Variants in REPS2 observed in about 807,000 individuals in gnomAD.
REPS2 encodes the protein RALBP1 associated Eps domain containing 2.
Under a neutral mutation model 53.6 loss-of-function variants are expected in REPS2, and 23 were observed. The observed-to-expected ratio is 0.43, with a 90% CI of 0.31 to 0.61. REPS2 has a LOEUF of 0.61. REPS2 is among the 20% of genes least tolerant of loss of function. The pLI is 0.11. For synonymous variants in REPS2, 238 were observed against 218.6 expected (o/e 1.09, Z -0.78); for missense variants, 446 against 534.9 (o/e 0.83, Z 1.64).
At chrX:17,147,354 A>G in intron 17 of REPS2, 59 bp from the exon 18 acceptor site, 2 of 913,369 alleles carry the variant, frequency 2.2e-6, no homozygotes, top group Non-Finnish European at 3.2e-6. Context: ...TGAAGTAGGG[A>G]TGAATTCAAG....
chrX:17,040,341 T>A (rs2061815361), intron 5 of REPS2, among the ~76,000 whole-genome samples: 1 of 112,617 alleles, frequency 8.9e-6, no homozygotes, highest in African/African-American at 3.2e-5. Flanking sequence ...TCAGTCAGCT[T>A]AAGAGAACTC....
intron 12 of REPS2, among the ~76,000 whole-genome samples, chrX:17,075,213 C>A (rs1425239920): frequency 8.9e-6 from 1 of 112,193 alleles, no homozygotes; most frequent in Admixed American, 9.4e-5. Flanking sequence ...GGATCTTTTA[C>A]AAACTAGTCT....
chrX:17,126,171 A>G (rs902289964), intron 14 of REPS2, among the ~76,000 whole-genome samples: 3 of 112,265 alleles, frequency 2.7e-5, no homozygotes, highest in African/African-American at 9.7e-5. Context: ...ATTCATGCAA[A>G]GAAGTAGTTG....
Position 16,986,953 on chromosome X carries a change from A to T in REPS2, c.274-19268A>T, listed in dbSNP as rs112435540. 4.6e-3 allele frequency among the ~76,000 whole-genome samples: 480 copies of T among 105,181 alleles called. 2 individuals carry two copies. Among genetic ancestry groups the T allele is most frequent in the African/African-American group, 0.016 (459 of 28,672 alleles). The allele number at this position is 105,181 out of a possible 115,157, so 91.3% of individuals were successfully genotyped here. On this transcript the variant is annotated intron_variant, in intron 1 of 17. Coordinates refer to ENST00000357277, the MANE Select transcript of REPS2 (RefSeq NM_004726.3). Reference sequence around the variant, plus strand: ...GAGACAGGTTCTTGCTGTGTCACCCAGGCTAGAATATAGTGGCATGATCAT... The same window carrying T: ...GAGACAGGTTCTTGCTGTGTCACCCTGGCTAGAATATAGTGGCATGATCAT...
chrX:17,049,762 A>C (rs1470755850), intron 6 of REPS2, among the ~76,000 whole-genome samples: 1 of 111,603 alleles, frequency 9.0e-6, no homozygotes, highest in Non-Finnish European at 1.9e-5. Flanking sequence ...CTCTTAAGTT[A>C]TTTTAAAATT....
intron 1 of REPS2, among the ~76,000 whole-genome samples, chrX:16,962,233 T>G (rs2060670979): frequency 9.7e-6 from 1 of 103,605 alleles, no homozygotes; most frequent in Non-Finnish European, 2.0e-5. Flanking sequence ...TGGAAACAAT[T>G]TAAGTGACTG....
chrX:16,951,500 TACAC>T (rs1157042780), intron 1 of REPS2, among the ~76,000 whole-genome samples: 1,939 of 60,019 alleles, frequency 0.032, 54 homozygotes, highest in African/African-American at 0.048. Context: ...AAACCCCATC[TACAC>T]ACACACACAC....
chrX:16,960,189 C>T (rs1259247644), intron 1 of REPS2, among the ~76,000 whole-genome samples: 1 of 110,365 alleles, frequency 9.1e-6, no homozygotes, highest in South Asian at 3.9e-4. Flanking sequence ...CATAGTGAGA[C>T]ACTGTCTCTA....
intron 6 of REPS2, 59 bp downstream of exon 6, chrX:17,047,541 A>G: frequency 8.7e-7 from 1 of 1,151,295 alleles, no homozygotes. Flanking sequence ...CATCTTGAGA[A>G]ATCATTCACG....
chrX:17,130,859 A>G (rs1161340050), intron 14 of REPS2, among the ~76,000 whole-genome samples: 1 of 112,102 alleles, frequency 8.9e-6, no homozygotes, highest in African/African-American at 3.2e-5. Context: ...TTCTTCACCA[A>G]TAAGATGGGG....
intron 13 of REPS2, among the ~76,000 whole-genome samples, chrX:17,078,825 T>G (rs370604287): frequency 2.0e-4 from 22 of 112,118 alleles, no homozygotes; most frequent in East Asian, 1.7e-3. Context: ...GAGACAAAAC[T>G]GGGTTTGGAG....
At chrX:16,977,979 T>C (rs1213020251) in intron 1 of REPS2, among the ~76,000 whole-genome samples, 1 of 111,291 alleles carries the variant, frequency 9.0e-6, no homozygotes, top group African/African-American at 3.3e-5. Flanking sequence ...GGCCAGTCTC[T>C]CTCCATGTGG....
At chrX:17,093,909 T>C (rs2062662132) in intron 13 of REPS2, among the ~76,000 whole-genome samples, 1 of 111,961 alleles carries the variant, frequency 8.9e-6, no homozygotes, top group Non-Finnish European at 1.9e-5. Context: ...TATGAAATTC[T>C]CACACCTCAG....
intron 1 of REPS2, among the ~76,000 whole-genome samples, chrX:16,988,853 G>A (rs1343355847): frequency 8.9e-6 from 1 of 112,006 alleles, no homozygotes; most frequent in African/African-American, 3.2e-5. Flanking sequence ...AGGATTGGAA[G>A]ACTCAACATA....
intron 1 of REPS2, among the ~76,000 whole-genome samples, chrX:16,985,576 G>A (rs1239718440): frequency 9.0e-6 from 1 of 111,730 alleles, no homozygotes; most frequent in Non-Finnish European, 1.9e-5. Context: ...CTTAGATATA[G>A]AGAAGACTGA....
intron 1 of REPS2, among the ~76,000 whole-genome samples, chrX:16,964,670 C>CA (rs1294653898): frequency 2.0e-5 from 2 of 98,715 alleles, no homozygotes; most frequent in East Asian, 6.8e-4. Context: ...TGACCCCCCC[C>CA]ACCTCCCTCC....
At chrX:17,085,814 A>G (rs2062526468) in intron 13 of REPS2, among the ~76,000 whole-genome samples, 1 of 111,932 alleles carries the variant, frequency 8.9e-6, no homozygotes, top group African/African-American at 3.2e-5. Flanking sequence ...ATATAATTGT[A>G]TATATAAACT....
At position 16,953,383 on chromosome X, in the gene REPS2, A is replaced by G. The variant is rs974868514; in HGVS notation, c.273+6249A>G. Among the ~76,000 whole-genome samples, 5 of 111,377 alleles carry G rather than the reference A, an allele frequency of 4.5e-5. No individual in the cohort carries two copies. The South Asian group carries it at 1.9e-3, about 42-fold the overall frequency. On this transcript the variant is annotated intron_variant, in intron 1 of 17. Coordinates refer to ENST00000357277, the MANE Select transcript of REPS2 (RefSeq NM_004726.3). ...TAACTGTGTATCCACCACTCCGTAT[A>G]AGTAAAACAGCCCAGCTAGAGTGAA...
chrX:16,947,385 C>G (rs1247500349), intron 1 of REPS2, among the ~76,000 whole-genome samples: 1 of 112,066 alleles, frequency 8.9e-6, no homozygotes, highest in Non-Finnish European at 1.9e-5. Flanking sequence ...CAGTCTGACA[C>G]TCTCTCCCCT....
Sources: gnomAD v4.1 joint callset for allele counts (sites outside exome capture counted in the v4.1 genomes callset) on GRCh38, gnomAD v4.1.1 for gene constraint, MANE v1.5 for transcripts, NCBI Gene and HGNC (gene_info 2026-07-23, HGNC 2026-07-21) for gene names.